Variants in SFMBT2 observed in about 807,000 individuals in gnomAD.
SFMBT2 encodes the protein Scm like with four mbt domains 2, also known as scm-like with four MBT domains protein 2.
A neutral mutation model predicts 110.1 loss-of-function variants in SFMBT2; 38 were observed. The observed-to-expected ratio is 0.35, with a 90% CI of 0.27 to 0.45. The LOEUF (loss-of-function observed/expected upper bound fraction) is 0.45, where lower values mean the gene tolerates loss of function less well. Ranked by LOEUF, SFMBT2 falls within the 20% of genes least tolerant of loss-of-function variation. SFMBT2 has a pLI of 1.00. For missense variants in SFMBT2, 1,011 were observed against 1,094.9 expected, an observed-to-expected ratio of 0.92 and a Z score of 1.08; for synonymous variants, 425 against 425.4, an observed-to-expected ratio of 1.00 and a Z score of 0.01.
chr10:7,195,000 G>A lies in SFMBT2; in HGVS notation c.1698+2548C>T, dbSNP rs139900280. Reference sequence around the variant, plus strand: ...TCATTTCAACAACGGAACACGTCACGTGAAACAGGCTTGCAGGCAGCTTCG... The same window carrying A: ...TCATTTCAACAACGGAACACGTCACATGAAACAGGCTTGCAGGCAGCTTCG... On this transcript the variant is annotated intron_variant, in intron 15 of 20. Coordinates refer to ENST00000397167, the MANE Select transcript of SFMBT2 (RefSeq NM_001387889.1). Among the ~76,000 whole-genome samples, 121 of 152,330 alleles carry A rather than the reference G, an allele frequency of 7.9e-4. No individual in the cohort carries two copies. In the Middle Eastern group the frequency reaches 0.014, roughly 17 times the overall value.
chr10:7,327,612 T>C (rs1044152177), intron 4 of SFMBT2, among the ~76,000 whole-genome samples: 1 of 149,926 alleles, frequency 6.7e-6, no homozygotes, highest in African/African-American at 2.5e-5. Flanking sequence ...AGTCAGGAGA[T>C]GGAGGTTACA....
At chr10:7,400,246 G>A in intron 1 of SFMBT2, among the ~76,000 whole-genome samples, 1 of 152,190 alleles carries the variant, frequency 6.6e-6, no homozygotes, top group Non-Finnish European at 1.5e-5. Context: ...AAGAGGGAAA[G>A]AGGATGTTCT....
chr10:7,341,571 A>AT (rs1843904883), intron 4 of SFMBT2, among the ~76,000 whole-genome samples: 1 of 152,170 alleles, frequency 6.6e-6, no homozygotes, highest in Non-Finnish European at 1.5e-5. Context: ...CTAGAAGGGT[A>AT]TTTTTTAAAT....
intron 4 of SFMBT2, among the ~76,000 whole-genome samples, chr10:7,347,041 A>C (rs1844138006): frequency 6.6e-6 from 1 of 151,780 alleles, no homozygotes; most frequent in Non-Finnish European, 1.5e-5. Context: ...GTGTAGCTAA[A>C]TGAGTTGTGA....
chr10:7,352,089 C>A (rs1194685229), intron 4 of SFMBT2, among the ~76,000 whole-genome samples: 2 of 152,054 alleles, frequency 1.3e-5, no homozygotes, highest in African/African-American at 4.8e-5. Flanking sequence ...CTAGCTCAGG[C>A]CAGGTGACTC....
intron 6 of SFMBT2, among the ~76,000 whole-genome samples, chr10:7,280,767 C>T (rs1368831227): frequency 6.6e-6 from 1 of 152,164 alleles, no homozygotes; most frequent in East Asian, 1.9e-4. Flanking sequence ...CACCAGAATG[C>T]TATTTCCTCT....
chr10:7,169,939 T>G (rs187245108), intron 20 of SFMBT2, among the ~76,000 whole-genome samples: 26 of 152,274 alleles, frequency 1.7e-4, no homozygotes, highest in Non-Finnish European at 3.4e-4. Context: ...ACCATGGTCT[T>G]AAAAATATTT....
chr10:7,312,476 A>C (rs1029600375), intron 4 of SFMBT2, among the ~76,000 whole-genome samples: 2 of 152,236 alleles, frequency 1.3e-5, no homozygotes, highest in Admixed American at 6.5e-5. Context: ...CAGAAGTAAA[A>C]TACAGAATAA....
chr10:7,262,449 T>C (rs2131777972), intron 7 of SFMBT2, among the ~76,000 whole-genome samples: 1 of 152,296 alleles, frequency 6.6e-6, no homozygotes, highest in East Asian at 1.9e-4. Flanking sequence ...TGTATCCCCT[T>C]TGCACACCTC....
intron 7 of SFMBT2, among the ~76,000 whole-genome samples, chr10:7,271,869 C>T (rs1841597754): frequency 6.6e-6 from 1 of 152,162 alleles, no homozygotes; most frequent in South Asian, 2.1e-4. Context: ...GAGACTTATT[C>T]ACTATCACGA....
intron 4 of SFMBT2, among the ~76,000 whole-genome samples, chr10:7,366,936 C>G (rs1286246967): frequency 6.6e-6 from 1 of 152,146 alleles, no homozygotes; most frequent in Non-Finnish European, 1.5e-5. Context: ...TGCCAGGTGT[C>G]CCCTGGGGGG....
Position 7,284,140 on chromosome 10 carries a change from C to A in SFMBT2, c.536G>T (p.Gly179Val). The change falls in exon 6 of 21, where the codon GGG becomes GTG. Residue 179 changes from glycine to valine, a missense_variant. Around this residue, in one of 2 missense-constraint regions of SFMBT2, gnomAD observed 979 missense variants for 1,016.1 expected, o/e 0.96. Transcript: ENST00000397167. ...PANLLEGPLRGKGPIDLITVG... is the reference protein window; with the variant it reads ...PANLLEGPLRVKGPIDLITVG... ...TGTAATGAGGTCTATAGGGCCTTTC[C>A]CTCGCAGAGGCTGTTTAAACAGAAG... is the stretch of plus-strand genomic sequence containing the variant. The A allele has an allele frequency of 6.2e-7, 1 of 1,613,676 alleles. No homozygotes were observed. The highest frequency in any genetic ancestry group is 1.1e-5 in the South Asian group (1 of 90,912).
At chr10:7,398,287 G>A (rs915480540) in intron 1 of SFMBT2, among the ~76,000 whole-genome samples, 1 of 152,138 alleles carries the variant, frequency 6.6e-6, no homozygotes, top group African/African-American at 2.4e-5. Context: ...AAGAGCATAA[G>A]GTGAACAAAT....
chr10:7,317,003 G>T (rs1252306491), intron 4 of SFMBT2, among the ~76,000 whole-genome samples: 1 of 152,156 alleles, frequency 6.6e-6, no homozygotes, highest in Non-Finnish European at 1.5e-5. Flanking sequence ...GTGTGTGGCA[G>T]AGCTCACAAC....
intron 15 of SFMBT2, among the ~76,000 whole-genome samples, chr10:7,195,346 T>C (rs532619051): frequency 7.9e-5 from 12 of 152,290 alleles, no homozygotes; most frequent in African/African-American, 2.9e-4. Context: ...GCGGAGCCCT[T>C]CCCAGGGTGT....
chr10:7,281,947 C>A (rs527464072), intron 6 of SFMBT2, among the ~76,000 whole-genome samples: 1 of 152,124 alleles, frequency 6.6e-6, no homozygotes, highest in African/African-American at 2.4e-5. Context: ...TGTGATCAAG[C>A]GATCCTCCCA....
intron 1 of SFMBT2, among the ~76,000 whole-genome samples, chr10:7,390,410 C>T (rs925906492): frequency 1.3e-5 from 2 of 152,154 alleles, no homozygotes; most frequent in African/African-American, 4.8e-5. Context: ...TAATATTCCA[C>T]AAATGATTCA....
intron 7 of SFMBT2, among the ~76,000 whole-genome samples, chr10:7,265,052 C>T (rs367957909): frequency 6.6e-6 from 1 of 150,612 alleles, no homozygotes. Context: ...AACAGGATTT[C>T]GTGGAACATG....
intron 8 of SFMBT2, among the ~76,000 whole-genome samples, chr10:7,245,570 A>G (rs1317929235): frequency 6.6e-6 from 1 of 152,260 alleles, no homozygotes; most frequent in African/African-American, 2.4e-5. Flanking sequence ...CACAGGACTC[A>G]GAACTAATGC....
Sources: gnomAD v4.1 joint callset for allele counts (sites outside exome capture counted in the v4.1 genomes callset) on GRCh38, gnomAD v4.1.1 for gene constraint, gnomAD v4.1.1 regional missense constraint, MANE v1.5 for transcripts, NCBI Gene and HGNC (gene_info 2026-07-23, HGNC 2026-07-21) for gene names.